Variants in LRPPRC observed in about 807,000 individuals in gnomAD.
LRPPRC encodes the protein leucine-rich PPR motif-containing protein, mitochondrial.
In LRPPRC, 120 loss-of-function variants were observed where a neutral mutation model predicts 180.3. The ratio of observed to expected loss-of-function variants is 0.67; its 90% CI spans 0.57 to 0.77. The LOEUF (loss-of-function observed/expected upper bound fraction) is 0.77. LRPPRC is among the 30% of genes least tolerant of loss of function. The pLI, the probability that LRPPRC is intolerant of heterozygous loss-of-function variation, is 0.00. For missense variants in LRPPRC, 2,012 were observed against 1,657.2 expected, an observed-to-expected ratio of 1.21 and a Z score of -3.72; for synonymous variants, 723 against 600.0, an observed-to-expected ratio of 1.21 and a Z score of -3.00.
intron 30 of LRPPRC, 117 bp from the exon 31 acceptor site, chr2:43,905,897 G>A: frequency 2.6e-6 from 2 of 761,598 alleles, no homozygotes; most frequent in East Asian, 5.3e-5. Context: ...AAATATTGCT[G>A]CAAAATATCG....
intron 30 of LRPPRC, among the ~76,000 whole-genome samples, chr2:43,910,565 G>A (rs1284595507): frequency 2.6e-5 from 4 of 152,102 alleles, no homozygotes; most frequent in Non-Finnish European, 5.9e-5. Context: ...TTCACCTTAT[G>A]AAGATTTTCT....
At position 43,969,299 on chromosome 2, in the gene LRPPRC, C is replaced by T. The variant is rs939115677; in HGVS notation, c.1369+4308G>A. Reference sequence around the variant, plus strand: ...TGGTGGCGGGCGCCTGTAGTCCCAGCTACTTGGGAGGCTGAGGCAGGAGAA... The same window carrying T: ...TGGTGGCGGGCGCCTGTAGTCCCAGTTACTTGGGAGGCTGAGGCAGGAGAA... On this transcript the variant is annotated intron_variant, in intron 11 of 37. Transcript: ENST00000260665. Among the ~76,000 whole-genome samples the T allele has an allele frequency of 3.9e-5, 6 of 151,986 alleles. No homozygotes were observed. The East Asian group carries it at 9.7e-4, about 25-fold the overall frequency.
chr2:43,972,234 G>A (rs966025311), intron 11 of LRPPRC, among the ~76,000 whole-genome samples: 3 of 152,134 alleles, frequency 2.0e-5, no homozygotes, highest in African/African-American at 4.8e-5. Flanking sequence ...CTTCATTCAC[G>A]TAATGTGAGC....
At chr2:43,965,573 G>A (rs914442121) in intron 11 of LRPPRC, among the ~76,000 whole-genome samples, 3 of 151,978 alleles carry the variant, frequency 2.0e-5, no homozygotes, top group African/African-American at 7.3e-5. Flanking sequence ...ATGAAAAGGC[G>A]ACCTATGGAA....
rs761230856 is a variant in LRPPRC, at chr2:43,960,559, C to A, written c.1564G>T (p.Asp522Tyr). 6.3e-7 allele frequency: 1 copy of A among 1,582,570 alleles called. No homozygotes were observed. Residue 522 changes from aspartate to tyrosine, a missense_variant, in exon 13 of 38, where the codon GAC (aspartate) becomes TAC (tyrosine). Asp to Tyr is a radical substitution (Grantham distance 160). Transcript: ENST00000260665. ...TACTTACAAAATGATAATACAAAGT[C>A]TAAGTTCCCATTTGCTGCTTCACTT... ...LRSEAANGNL[D>Y]FVLSFLKSNT...
chr2:43,991,344 T>C (rs1027298929), intron 1 of LRPPRC, among the ~76,000 whole-genome samples: 96 of 152,246 alleles, frequency 6.3e-4, no homozygotes, highest in African/African-American at 2.2e-3. Flanking sequence ...ACCCATCAGA[T>C]TCTTAATATT....
chr2:43,983,384 G>T (rs150495516), intron 1 of LRPPRC, among the ~76,000 whole-genome samples: 19 of 151,834 alleles, frequency 1.3e-4, no homozygotes, highest in Non-Finnish European at 2.8e-4. Flanking sequence ...TAGAAAAATC[G>T]TGCATTAAGT....
chr2:43,934,145 A>G (rs745486464), intron 25 of LRPPRC, 45 bp downstream of exon 25: 10 of 1,039,268 alleles, frequency 9.6e-6, no homozygotes, highest in Non-Finnish European at 1.4e-5. Context: ...TCTAATTAAG[A>G]GTCTAAATAG....
At chr2:43,898,851 GC>G (rs1670786047) in intron 34 of LRPPRC, among the ~76,000 whole-genome samples, 2 of 152,094 alleles carry the variant, frequency 1.3e-5, no homozygotes, top group Non-Finnish European at 2.9e-5. Flanking sequence ...AGTATCTAGC[GC>G]ATTTGAGAAA....
intron 32 of LRPPRC, among the ~76,000 whole-genome samples, 192 bp downstream of exon 32, chr2:43,901,128 A>AT (rs1442499220): frequency 6.6e-6 from 1 of 152,228 alleles, no homozygotes; most frequent in Non-Finnish European, 1.5e-5. Context: ...AATGCTGTTT[A>AT]TTCTAAGATT....
At position 43,934,392 on chromosome 2, in the gene LRPPRC, T is replaced by A. The variant is rs182401072; in HGVS notation, c.2630-96A>T. Reference sequence around the variant, plus strand: ...TCCAGACAAATACAAGAAAAATTTATTTTAAAAACAAATATTAAGAATAAC... The same window carrying A: ...TCCAGACAAATACAAGAAAAATTTAATTTAAAAACAAATATTAAGAATAAC... On this transcript the variant is annotated intron_variant, in intron 24 of 37. Coordinates refer to ENST00000260665, the MANE Select transcript of LRPPRC (RefSeq NM_133259.4). 452 of 668,354 alleles carry A rather than the reference T, an allele frequency of 6.8e-4. 1 individual carries two copies. In the African/African-American group the frequency reaches 7.9e-3, roughly 12 times the overall value. The allele number at this position is 668,354 out of a possible 1,614,324, so 41.4% of individuals were successfully genotyped here.
rs1671248290 is a variant in LRPPRC at position 43,911,329 on chromosome 2, C to T, written c.3275+1103G>A. ...GTACAGTCATACAGAACATGTTTTTCAACATTAAAACACAGACACTAAATA... is the reference window on the plus strand; with the variant it reads ...GTACAGTCATACAGAACATGTTTTTTAACATTAAAACACAGACACTAAATA... On this transcript the variant is annotated intron_variant, in intron 30 of 37. Coordinates refer to ENST00000260665, the MANE Select transcript of LRPPRC (RefSeq NM_133259.4). 2.6e-5 allele frequency among the ~76,000 whole-genome samples: 4 copies of T among 151,864 alleles called. No individual in the cohort carries two copies. In the South Asian group the frequency reaches 8.3e-4, roughly 32 times the overall value.
Position 43,989,668 on chromosome 2 carries a change from A to T in LRPPRC, c.149+6131T>A, listed in dbSNP as rs1200700618. ...CAGTCTGGACCTCATTCTGCACCCA[A>T]TGATAACTACCATGGCAGTTAACTG... On this transcript the variant is annotated intron_variant, in intron 1 of 37. Transcript: ENST00000260665. Among the ~76,000 whole-genome samples the T allele has an allele frequency of 2.6e-5, 4 of 152,348 alleles. No individual in the cohort carries two copies. In the East Asian group the frequency reaches 7.7e-4, roughly 29 times the overall value.
rs536562585 is a variant in LRPPRC at position 43,968,866 on chromosome 2, T to C, written c.1369+4741A>G. Reference sequence around the variant, plus strand: ...AATTGGTAAAAGAACAGATTCTAAGTGTCCTCACCACACTCATGCACACAG... The same window carrying C: ...AATTGGTAAAAGAACAGATTCTAAGCGTCCTCACCACACTCATGCACACAG... On this transcript the variant is annotated intron_variant, in intron 11 of 37. Coordinates refer to ENST00000260665, the MANE Select transcript of LRPPRC (RefSeq NM_133259.4). 9.3e-4 allele frequency among the ~76,000 whole-genome samples: 141 copies of C among 152,358 alleles called. 1 individual carries two copies. Among genetic ancestry groups the C allele is most frequent in the African/African-American group, 3.1e-3 (127 of 41,584 alleles).
rs553466522 is a variant in LRPPRC at position 43,894,635 on chromosome 2, A to C, written c.3901-6T>G. 2.0e-5 allele frequency: 28 copies of C among 1,419,628 alleles called. No individual in the cohort carries two copies. The African/African-American group carries it at 3.1e-4, about 16-fold the overall frequency. 87.9% of individuals were successfully genotyped at this position (1,419,628 alleles called of 1,614,324 possible). On this transcript the variant is annotated splice_polypyrimidine_tract_variant and splice_region_variant and intron_variant, in intron 35 of 37. Coordinates refer to ENST00000260665, the MANE Select transcript of LRPPRC (RefSeq NM_133259.4). ...ACAGATTTCACAGTTGATGCCTAGG[A>C]AATTACATAAAGGTAATATTATGAA...
In LRPPRC at chr2:43,977,269, C is replaced by T. The variant is rs1166460089; in HGVS notation, c.477G>A (p.Val159=). The change falls in exon 4 of 38, where the codon GTG becomes GTA. Residue 159 remains valine, a synonymous_variant. Transcript: ENST00000260665. ...IWDTLQKLGA[V]YDVSHYNALL... is the part of the protein sequence containing the mutation. ...AAGCATTATAGTGACTCACATCATA[C>T]ACAGCACCTACAAATGAAATTTAAA... 6.3e-7 allele frequency: 1 copy of T among 1,599,900 alleles called. No individual in the cohort carries two copies. The highest frequency in any genetic ancestry group is 8.6e-7 in the Non-Finnish European group (1 of 1,167,736).
chr2:43,929,826 C>G (rs1672020566), intron 25 of LRPPRC, among the ~76,000 whole-genome samples: 1 of 152,010 alleles, frequency 6.6e-6, no homozygotes, highest in African/African-American at 2.4e-5. Context: ...AATTAACAAA[C>G]TATCATGAAC....
chr2:43,923,246 C>T (rs754414824), intron 27 of LRPPRC, among the ~76,000 whole-genome samples: 2 of 148,844 alleles, frequency 1.3e-5, no homozygotes, highest in Admixed American at 1.3e-4. Context: ...TGGAAGGCTG[C>T]GGCAGGAAGA....
chr2:43,938,965 G>A (rs1295373204), intron 23 of LRPPRC, among the ~76,000 whole-genome samples: 1 of 152,018 alleles, frequency 6.6e-6, no homozygotes, highest in Admixed American at 6.6e-5. Context: ...ATCCCAGAGA[G>A]TATACTTAAA....
Sources: gnomAD v4.1 joint callset for allele counts (sites outside exome capture counted in the v4.1 genomes callset) on GRCh38, gnomAD v4.1.1 for gene constraint, MANE v1.5 for transcripts, NCBI Gene and HGNC (gene_info 2026-07-23, HGNC 2026-07-21) for gene names.